Variants in HNRNPA1L2 observed in about 807,000 individuals in gnomAD.
HNRNPA1L2 encodes heterogeneous nuclear ribonucleoprotein A1-like 2.
HNRNPA1L2 carries 10 observed loss-of-function variants against 18.2 expected under a neutral mutation model. That is an observed-to-expected ratio of 0.55 (90% CI 0.34 to 0.93). The LOEUF is 0.93. Among genes scored for constraint, HNRNPA1L2 ranks in the 40% least tolerant of loss-of-function variants. The pLI, the probability that HNRNPA1L2 is intolerant of heterozygous loss-of-function variation, is 0.02. For synonymous variants in HNRNPA1L2, 124 were observed against 138.6 expected (o/e 0.89, Z 0.74); for missense variants, 308 against 394.4 (o/e 0.78, Z 1.85).
the HNRNPA1L2 span, among the ~76,000 whole-genome samples, chr13:52,626,900 C>T: frequency 6.6e-6 from 1 of 152,138 alleles, no homozygotes. Context: ...TTTGCCTGTT[C>T]TGGCACTTGA....
At chr13:52,642,154 T>G (rs527453658), upstream of HNRNPA1L2, 2 of 312,684 alleles carry the variant, frequency 6.4e-6, no homozygotes, top group African/African-American at 2.1e-5. Context: ...TGTTTGCCAA[T>G]ATGGCCAACA....
upstream of HNRNPA1L2, among the ~76,000 whole-genome samples, chr13:52,638,813 C>T (rs1284862509): frequency 2.0e-5 from 3 of 152,060 alleles, no homozygotes; most frequent in South Asian, 6.2e-4. Flanking sequence ...TTAATATTTC[C>T]TCAAACTAGA....
At chr13:52,624,900 A>G in the HNRNPA1L2 span, among the ~76,000 whole-genome samples, 3,241 of 152,072 alleles carry the variant, frequency 0.021, 125 homozygotes, top group African/African-American at 0.075. Flanking sequence ...GTGTGGTGGC[A>G]TGGGACTGTA....
chr13:52,639,896 G>GT (rs1199414232), upstream of HNRNPA1L2, among the ~76,000 whole-genome samples: 233 of 70,670 alleles, frequency 3.3e-3, 3 homozygotes, highest in Middle Eastern at 8.6e-3. Context: ...TTTTTTTTTT[G>GT]TTTTTTTTTT....
At chr13:52,618,670 T>G in the HNRNPA1L2 span, among the ~76,000 whole-genome samples, 2 of 152,186 alleles carry the variant, frequency 1.3e-5, no homozygotes, top group Non-Finnish European at 2.9e-5. Context: ...GTTATAATTT[T>G]TGGAAAACAG....
At chr13:52,627,893 A>G in the HNRNPA1L2 span, among the ~76,000 whole-genome samples, 1 of 151,238 alleles carries the variant, frequency 6.6e-6, no homozygotes, top group East Asian at 1.9e-4. Flanking sequence ...GAGAAAAGTA[A>G]TTTTTTTTTC....
At chr13:52,634,893 GAA>G in the HNRNPA1L2 span, among the ~76,000 whole-genome samples, 1 of 152,156 alleles carries the variant, frequency 6.6e-6, no homozygotes, top group Non-Finnish European at 1.5e-5. Flanking sequence ...GAGGTCATCT[GAA>G]AAAAGTGTGA....
the HNRNPA1L2 span, among the ~76,000 whole-genome samples, chr13:52,620,128 T>C: frequency 1.6e-3 from 238 of 152,270 alleles, no homozygotes; most frequent in African/African-American, 4.9e-3. Flanking sequence ...ATTGCCGTTT[T>C]CTCTTTCATG....
At chr13:52,639,499 G>T (rs1003911333), upstream of HNRNPA1L2, among the ~76,000 whole-genome samples, 3 of 152,082 alleles carry the variant, frequency 2.0e-5, no homozygotes, top group African/African-American at 7.2e-5. Context: ...AGCAGAAGCA[G>T]GTCTGAAACA....
the HNRNPA1L2 span, chr13:52,629,259 G>A: frequency 6.9e-5 from 13 of 189,242 alleles, no homozygotes; most frequent in Non-Finnish European, 1.5e-4. Flanking sequence ...TGCCAGATGT[G>A]CTACAGCTAG....
chr13:52,626,426 T>TAAA, the HNRNPA1L2 span, among the ~76,000 whole-genome samples: 127 of 130,842 alleles, frequency 9.7e-4, no homozygotes, highest in African/African-American at 3.3e-3. Flanking sequence ...TCCCATCTCT[T>TAAA]AAAAAAAAAA....
the HNRNPA1L2 span, among the ~76,000 whole-genome samples, chr13:52,619,919 C>CAAAAAAAAA: frequency 2.9e-5 from 2 of 69,148 alleles, no homozygotes; most frequent in East Asian, 5.0e-4. Flanking sequence ...GATTCCGTCT[C>CAAAAAAAAA]AAAAAAAAAA....
At chr13:52,638,270 T>G (rs1404033534), upstream of HNRNPA1L2, among the ~76,000 whole-genome samples, 1 of 152,224 alleles carries the variant, frequency 6.6e-6, no homozygotes, top group Admixed American at 6.5e-5. Context: ...TACTTGCTTA[T>G]TAATGACAGG....
the HNRNPA1L2 span, among the ~76,000 whole-genome samples, chr13:52,618,754 G>A: frequency 1.3e-5 from 2 of 152,176 alleles, no homozygotes; most frequent in African/African-American, 4.8e-5. Context: ...GAAAGGGGAC[G>A]TCTTAAATGT....
the HNRNPA1L2 span, among the ~76,000 whole-genome samples, chr13:52,621,318 T>C: frequency 6.6e-6 from 1 of 152,166 alleles, no homozygotes; most frequent in Non-Finnish European, 1.5e-5. Context: ...AGCTTACAAG[T>C]GGTTATGGGT....
At chr13:52,623,324 G>A in the HNRNPA1L2 span, among the ~76,000 whole-genome samples, 8 of 152,136 alleles carry the variant, frequency 5.3e-5, no homozygotes, top group African/African-American at 1.4e-4. Flanking sequence ...TAAAGGTCAC[G>A]TAAACAATTT....
At chr13:52,626,560 A>T in the HNRNPA1L2 span, among the ~76,000 whole-genome samples, 6 of 152,272 alleles carry the variant, frequency 3.9e-5, no homozygotes, top group Non-Finnish European at 7.3e-5. Context: ...AATTTAAAAT[A>T]TACGCAAAGT....
chr13:52,629,877 C>T, the HNRNPA1L2 span, among the ~76,000 whole-genome samples: 5 of 152,076 alleles, frequency 3.3e-5, no homozygotes, highest in African/African-American at 7.2e-5. Context: ...ATCACGAGGT[C>T]GGGAGTTCAA....
chr13:52,627,982 T>C, the HNRNPA1L2 span, among the ~76,000 whole-genome samples: 12 of 152,248 alleles, frequency 7.9e-5, no homozygotes, highest in Admixed American at 6.5e-4. Context: ...CCTATTCTTA[T>C]GTTTAAGCTG....
Sources: allele counts gnomAD v4.1 joint callset (sites outside exome capture counted in the v4.1 genomes callset), GRCh38; gene constraint gnomAD v4.1.1; transcripts MANE v1.5; gene names NCBI Gene and HGNC (gene_info 2026-07-23, HGNC 2026-07-21).